The following GLDC variants were observed in gnomAD, a reference collection of about 807,000 sequenced individuals.
The protein encoded by GLDC is glycine dehydrogenase (decarboxylating), mitochondrial.
A neutral mutation model predicts 121.3 loss-of-function variants in GLDC; 104 were observed. The ratio of observed to expected loss-of-function variants is 0.86; its 90% CI spans 0.73 to 1.01. The LOEUF (loss-of-function observed/expected upper bound fraction) is 1.01. Ranked by LOEUF, GLDC falls within the 50% of genes least tolerant of loss-of-function variation. The pLI, the probability that GLDC is intolerant of heterozygous loss-of-function variation, is 0.00. For missense variants in GLDC, 1,429 were observed against 1,306.6 expected (o/e 1.09, Z -1.44); for synonymous variants, 546 against 480.6 (o/e 1.14, Z -1.78).
intron 17 of GLDC, among the ~76,000 whole-genome samples, chr9:6,557,068 T>C (rs1325136587): frequency 6.6e-6 from 1 of 152,120 alleles, no homozygotes; most frequent in Non-Finnish European, 1.5e-5. Context: ...AAATTACAGC[T>C]AGATAGGAGG....
intron 4 of GLDC, among the ~76,000 whole-genome samples, chr9:6,608,719 C>G (rs1177672261): frequency 6.6e-6 from 1 of 151,722 alleles, no homozygotes; most frequent in East Asian, 1.9e-4. Context: ...GTACTCCAGC[C>G]CGGGCGAAAG....
At chr9:6,575,821 C>T (rs1587938155) in intron 15 of GLDC, among the ~76,000 whole-genome samples, 1 of 152,136 alleles carries the variant, frequency 6.6e-6, no homozygotes, top group African/African-American at 2.4e-5. Context: ...CTAGAATGTA[C>T]TTATGAGCTG....
intron 16 of GLDC, among the ~76,000 whole-genome samples, chr9:6,560,724 G>A (rs1006788587): frequency 2.6e-5 from 4 of 152,168 alleles, no homozygotes; most frequent in Admixed American, 6.5e-5. Flanking sequence ...ATATAAAAAC[G>A]TCAACCACCC....
intron 3 of GLDC, among the ~76,000 whole-genome samples, chr9:6,610,670 G>T (rs553688093): frequency 1.3e-5 from 2 of 152,210 alleles, no homozygotes; most frequent in East Asian, 3.9e-4. Context: ...GCATGATCAC[G>T]ACTCACTGAG....
At chr9:6,601,459 G>T (rs546319478) in intron 8 of GLDC, among the ~76,000 whole-genome samples, 3 of 152,142 alleles carry the variant, frequency 2.0e-5, no homozygotes, top group South Asian at 2.1e-4. Flanking sequence ...CCTTTCTTAC[G>T]CTTTGCCTGT....
At chr9:6,618,749 C>G (rs1321871719) in intron 3 of GLDC, among the ~76,000 whole-genome samples, 1 of 151,968 alleles carries the variant, frequency 6.6e-6, no homozygotes, top group Non-Finnish European at 1.5e-5. Flanking sequence ...GCAGGAGACA[C>G]AGACATGGAT....
At chr9:6,547,983 A>T (rs1817433185) in intron 21 of GLDC, among the ~76,000 whole-genome samples, 1 of 152,064 alleles carries the variant, frequency 6.6e-6, no homozygotes, top group African/African-American at 2.4e-5. Context: ...TATATATATA[A>T]ATAAATTAGC....
chr9:6,582,425 G>A (rs989955121), intron 15 of GLDC, among the ~76,000 whole-genome samples: 3 of 152,102 alleles, frequency 2.0e-5, no homozygotes, highest in African/African-American at 7.2e-5. Flanking sequence ...GGAGGCTGAG[G>A]CATGAGAATT....
chr9:6,605,694 A>C (rs900095686), intron 5 of GLDC, among the ~76,000 whole-genome samples: 2 of 152,210 alleles, frequency 1.3e-5, no homozygotes, highest in South Asian at 2.1e-4. Context: ...TAATAATGCC[A>C]ATTATATGTC....
intron 22 of GLDC, among the ~76,000 whole-genome samples, chr9:6,538,417 G>C (rs6477088): frequency 6.6e-6 from 1 of 152,058 alleles, no homozygotes; most frequent in South Asian, 2.1e-4. Flanking sequence ...CAGAAGCTGC[G>C]TGTTAAATAT....
At chr9:6,588,291 T>C in intron 14 of GLDC, 110 bp downstream of exon 14, 1 of 821,542 alleles carries the variant, frequency 1.2e-6, no homozygotes, top group Non-Finnish European at 2.2e-6. Context: ...TTAAAATAGT[T>C]CTTCAATCAC....
chr9:6,535,816 A>G, intron 23 of GLDC: 1 of 530,292 alleles, frequency 1.9e-6, no homozygotes, highest in Admixed American at 3.1e-5. Context: ...ACAGAGATGC[A>G]GAATGTTACA....
rs191640520 is a variant in GLDC, at chr9:6,550,345, G to A, written c.2569+458C>T. Among the ~76,000 whole-genome samples the A allele has an allele frequency of 3.5e-4, 53 of 152,288 alleles. No individual in the cohort carries two copies. In the East Asian group the frequency reaches 8.1e-3, roughly 23 times the overall value. Reference sequence around the variant, plus strand: ...AAACAGTTAACTAAAGTGGTGTTATGGCTGGGCGTGGTGGCTCATGCCTGT... The same window carrying A: ...AAACAGTTAACTAAAGTGGTGTTATAGCTGGGCGTGGTGGCTCATGCCTGT... On this transcript the variant is annotated intron_variant, in intron 21 of 24. Transcript: ENST00000321612.
At chr9:6,567,032 G>A (rs1179784128) in intron 15 of GLDC, 1 of 152,094 alleles carries the variant, frequency 6.6e-6, no homozygotes, top group Non-Finnish European at 1.5e-5. Context: ...TGAGCACACT[G>A]TGCTCTCCAA....
intron 15 of GLDC, among the ~76,000 whole-genome samples, chr9:6,577,311 G>A (rs747869975): frequency 6.6e-6 from 1 of 152,148 alleles, no homozygotes; most frequent in Non-Finnish European, 1.5e-5. Flanking sequence ...GGGTGCCCTG[G>A]GAGACTACCT....
chr9:6,577,517 G>C (rs923258520), intron 15 of GLDC, among the ~76,000 whole-genome samples: 2 of 152,100 alleles, frequency 1.3e-5, no homozygotes, highest in Non-Finnish European at 2.9e-5. Context: ...TTCACAATAC[G>C]CATGTTCTCC....
intron 15 of GLDC, among the ~76,000 whole-genome samples, chr9:6,578,087 T>A (rs532398045): frequency 6.6e-5 from 10 of 151,810 alleles, no homozygotes; most frequent in African/African-American, 1.7e-4. Flanking sequence ...GCTACTTTTT[T>A]AATTTTTTGT....
At chr9:6,533,311 A>T (rs965253925) in intron 24 of GLDC, 151 bp from the exon 25 acceptor site, 31 of 770,542 alleles carry the variant, frequency 4.0e-5, no homozygotes, top group Non-Finnish European at 6.6e-5. Flanking sequence ...ATTACCATTT[A>T]AAAAAAAGAG....
chr9:6,595,015 T>G lies in GLDC; in HGVS notation c.1260A>C (p.Glu420Asp). The change falls in exon 9 of 25, where the codon GAA (glutamate) becomes GAC (aspartate). Residue 420 changes from glutamate to aspartate, a missense_variant and splice_region_variant. Coordinates refer to ENST00000321612, the MANE Select transcript of GLDC (RefSeq NM_000170.3). ...GTTTTAGACAGATTACCAACTCACC[T>G]TCTGACAAAATCAAAGTGGCATTAT... ...RVHNATLILSEGLKRAGHQLQ... is the reference protein window; with the variant it reads ...RVHNATLILSDGLKRAGHQLQ... The G allele has an allele frequency of 6.4e-7, 1 of 1,568,144 alleles. No individual in the cohort carries two copies. The highest frequency in any genetic ancestry group is 8.8e-7 in the Non-Finnish European group (1 of 1,137,962).
Sources: gnomAD v4.1 joint callset for allele counts (sites outside exome capture counted in the v4.1 genomes callset) on GRCh38, gnomAD v4.1.1 for gene constraint, MANE v1.5 for transcripts, NCBI Gene and HGNC (gene_info 2026-07-23, HGNC 2026-07-21) for gene names.